The following SPON1 variants were observed in gnomAD, a reference collection of about 807,000 sequenced individuals.
SPON1 encodes spondin 1.
In SPON1, 52 loss-of-function variants were observed where a neutral mutation model predicts 111.7. The ratio of observed to expected loss-of-function variants is 0.47; its 90% confidence interval spans 0.37 to 0.59. SPON1 has a LOEUF of 0.59. SPON1 is among the 20% of genes least tolerant of loss of function. The pLI is 0.00. For synonymous variants in SPON1, 410 were observed against 395.8 expected, an observed-to-expected ratio of 1.04 and a Z score of -0.43; for missense variants, 957 against 1,068.5, an observed-to-expected ratio of 0.90 and a Z score of 1.46.
At chr11:14,045,838 C>G (rs1848664491) in intron 3 of SPON1, among the ~76,000 whole-genome samples, 1 of 151,890 alleles carries the variant, frequency 6.6e-6, no homozygotes, top group African/African-American at 2.4e-5. Flanking sequence ...GGTGTCTAAT[C>G]AGTCAAAAGT....
chr11:13,965,213 C>A (rs908548283), intron 1 of SPON1, among the ~76,000 whole-genome samples: 5 of 152,076 alleles, frequency 3.3e-5, no homozygotes, highest in African/African-American at 1.2e-4. Flanking sequence ...CATTCATCTA[C>A]CAGTGGTTAT....
At chr11:14,234,349 T>C (rs1455962867) in intron 6 of SPON1, among the ~76,000 whole-genome samples, 1 of 152,036 alleles carries the variant, frequency 6.6e-6, no homozygotes, top group African/African-American at 2.4e-5. Flanking sequence ...CTGCTGAAGG[T>C]CAGGTAGAAG....
intron 7 of SPON1, among the ~76,000 whole-genome samples, chr11:14,243,843 T>G (rs1848957691): frequency 6.6e-6 from 1 of 152,172 alleles, no homozygotes. Context: ...TATCTGCCCT[T>G]GAGTCAGGTG....
intron 6 of SPON1, among the ~76,000 whole-genome samples, chr11:14,184,159 T>A (rs1554933902): frequency 6.6e-6 from 1 of 152,186 alleles, no homozygotes; most frequent in African/African-American, 2.4e-5. Flanking sequence ...CTATGTAATC[T>A]CTGCTCATTT....
intron 6 of SPON1, among the ~76,000 whole-genome samples, chr11:14,150,245 T>C (rs1554929765): frequency 6.6e-6 from 1 of 152,136 alleles, no homozygotes; most frequent in Non-Finnish European, 1.5e-5. Flanking sequence ...TCACATGCTC[T>C]CACTCATATG....
chr11:13,969,215 C>CAAAAAAAAAAA (rs3047401), intron 1 of SPON1, among the ~76,000 whole-genome samples: 3 of 106,976 alleles, frequency 2.8e-5, no homozygotes, highest in African/African-American at 3.2e-5. Context: ...CCCATCTCTA[C>CAAAAAAAAAAA]AAAAAAAAAA....
At chr11:13,995,996 T>A (rs1554911760) in intron 2 of SPON1, among the ~76,000 whole-genome samples, 1 of 152,216 alleles carries the variant, frequency 6.6e-6, no homozygotes, top group Non-Finnish European at 1.5e-5. Context: ...CAATAACCTT[T>A]GAGCTATCTC....
At chr11:14,057,844 C>CAAAAAACAAAA (rs1277903384) in intron 3 of SPON1, among the ~76,000 whole-genome samples, 1 of 125,460 alleles carries the variant, frequency 8.0e-6, no homozygotes, top group Admixed American at 8.1e-5. Context: ...AAAAAAAAAA[C>CAAAAAACAAAA]AAAACAAAAA....
chr11:14,059,735 T>TC (rs1386804158), intron 3 of SPON1, among the ~76,000 whole-genome samples: 65 of 151,846 alleles, frequency 4.3e-4, no homozygotes, highest in African/African-American at 1.5e-3. Context: ...AAGAGCAAGT[T>TC]CCCCCCAGCA....
At chr11:14,164,509 A>G (rs1848004639) in intron 6 of SPON1, among the ~76,000 whole-genome samples, 2 of 152,250 alleles carry the variant, frequency 1.3e-5, no homozygotes, top group Non-Finnish European at 2.9e-5. Context: ...TCCACCTACA[A>G]ACTTTTTTAC....
At chr11:14,195,816 T>C (rs1214118308) in intron 6 of SPON1, among the ~76,000 whole-genome samples, 1 of 152,164 alleles carries the variant, frequency 6.6e-6, no homozygotes, top group East Asian at 1.9e-4. Flanking sequence ...ATTTCACAGT[T>C]TCATAGCAAC....
rs555069645 is a variant in SPON1 at position 14,064,862 on chromosome 11, A to G, written c.480-10483A>G. Among the ~76,000 whole-genome samples the G allele has an allele frequency of 5.9e-5, 9 of 152,286 alleles. No individual in the cohort carries two copies. In the South Asian group the frequency reaches 1.9e-3, roughly 32 times the overall value. ...TAATCTTCTGTGTGTGTCCTTCCTT[A>G]GGGTGAGGTAGAGGGGAGTCAGGTG... On this transcript the variant is annotated intron_variant, in intron 3 of 15. Coordinates refer to ENST00000576479, the MANE Select transcript of SPON1 (RefSeq NM_006108.4).
intron 15 of SPON1, among the ~76,000 whole-genome samples, chr11:14,264,159 GCA>G (rs2133929582): frequency 6.6e-6 from 1 of 152,286 alleles, no homozygotes; most frequent in East Asian, 1.9e-4. Flanking sequence ...TGCAGATGAA[GCA>G]CAGAGGACAA....
intron 5 of SPON1, among the ~76,000 whole-genome samples, chr11:14,113,552 C>G (rs941382344): frequency 7.4e-6 from 1 of 134,862 alleles, no homozygotes; most frequent in Non-Finnish European, 1.6e-5. Context: ...CAAGTCACCT[C>G]CTATGTACTT....
At chr11:14,185,212 AC>A (rs1848274133) in intron 6 of SPON1, among the ~76,000 whole-genome samples, 2 of 152,158 alleles carry the variant, frequency 1.3e-5, no homozygotes, top group Non-Finnish European at 2.9e-5. Context: ...ACCTGTAATG[AC>A]CCCCCACCAT....
At chr11:14,182,614 C>A (rs1289793176) in intron 6 of SPON1, among the ~76,000 whole-genome samples, 3 of 152,130 alleles carry the variant, frequency 2.0e-5, no homozygotes, top group African/African-American at 7.2e-5. Context: ...CACAAAAGCA[C>A]CAACCTGAAG....
chr11:13,989,751 G>A (rs1034486811), intron 2 of SPON1, among the ~76,000 whole-genome samples: 33 of 152,032 alleles, frequency 2.2e-4, no homozygotes, highest in African/African-American at 4.4e-4. Context: ...TTGTGTCTTC[G>A]TTCTCATTGG....
chr11:14,182,109 C>G (rs782402423), intron 6 of SPON1, among the ~76,000 whole-genome samples: 1 of 152,136 alleles, frequency 6.6e-6, no homozygotes, highest in Non-Finnish European at 1.5e-5. Flanking sequence ...CTCACATTTG[C>G]TCTCCTAAGT....
At chr11:14,147,161 C>G (rs1847730819) in intron 6 of SPON1, among the ~76,000 whole-genome samples, 1 of 150,418 alleles carries the variant, frequency 6.6e-6, no homozygotes, top group Admixed American at 6.7e-5. Flanking sequence ...TCCTGAGTAG[C>G]CGGGACTATA....
Sources: gnomAD v4.1 joint callset for allele counts (sites outside exome capture counted in the v4.1 genomes callset) on GRCh38, gnomAD v4.1.1 for gene constraint, MANE v1.5 for transcripts, NCBI Gene and HGNC (gene_info 2026-07-23, HGNC 2026-07-21) for gene names.